The following MSH4 variants were observed in gnomAD, a reference collection of about 807,000 sequenced individuals.
MSH4 encodes the protein mutS protein homolog 4.
Under a neutral mutation model 113.7 loss-of-function variants are expected in MSH4, and 106 were observed. The ratio of observed to expected loss-of-function variants is 0.93; its 90% CI spans 0.80 to 1.10. MSH4 has a LOEUF of 1.10. MSH4 is among the 50% of genes least tolerant of loss of function. MSH4 has a pLI of 0.00. For missense variants in MSH4, 1,061 were observed against 1,093.7 expected (o/e 0.97, Z 0.42); for synonymous variants, 368 against 380.2 (o/e 0.97, Z 0.37).
At chr1:75,866,589 C>A (rs1651566330) in intron 8 of MSH4, among the ~76,000 whole-genome samples, 1 of 152,142 alleles carries the variant, frequency 6.6e-6, no homozygotes. Context: ...CCATTTGGGG[C>A]TAACAACATT....
intron 7 of MSH4, among the ~76,000 whole-genome samples, 191 bp downstream of exon 7, chr1:75,822,772 T>C (rs987424518): frequency 2.0e-5 from 3 of 151,954 alleles, no homozygotes; most frequent in African/African-American, 7.2e-5. Flanking sequence ...ATGTAATGTA[T>C]TTTGATTTCC....
At position 75,797,049 on chromosome 1, in the gene MSH4, G is replaced by GT; in HGVS notation, c.64_65insT (p.Glu22ValfsTer92). 6.2e-7 allele frequency: 1 copy of GT among 1,614,090 alleles called. No homozygotes were observed. Among genetic ancestry groups the GT allele is most frequent in the Non-Finnish European group, 8.5e-7 (1 of 1,179,982 alleles). ...CCCGGCGGTTTCCCCGTCGTCGGGA[G>GT]AAACCCGCTCACCTCAGGGTCCCCG... On this transcript the variant is annotated frameshift_variant, in exon 1 of 20. Coordinates refer to ENST00000263187, the MANE Select transcript of MSH4 (RefSeq NM_002440.4). LOFTEE classifies it high-confidence loss of function.
chr1:75,858,752 A>C (rs554924243), intron 8 of MSH4, among the ~76,000 whole-genome samples: 27 of 152,100 alleles, frequency 1.8e-4, no homozygotes, highest in African/African-American at 6.3e-4. Flanking sequence ...CTCTGCCAGG[A>C]TTTGGTATCA....
intron 9 of MSH4, among the ~76,000 whole-genome samples, chr1:75,873,299 T>C (rs1651752243): frequency 2.0e-5 from 3 of 152,198 alleles, no homozygotes; most frequent in Admixed American, 6.5e-5. Context: ...AAAATAATGT[T>C]TATGCCATAT....
intron 14 of MSH4, 131 bp from the exon 15 acceptor site, chr1:75,883,490 A>C: frequency 1.4e-6 from 1 of 693,946 alleles, no homozygotes; most frequent in Non-Finnish European, 2.3e-6. Flanking sequence ...GGGATAATAT[A>C]GTACCTTAAT....
intron 8 of MSH4, among the ~76,000 whole-genome samples, chr1:75,860,227 A>C (rs915634464): frequency 3.3e-5 from 5 of 152,034 alleles, no homozygotes; most frequent in Admixed American, 2.0e-4. Flanking sequence ...ACTTGCCAGT[A>C]TGTGTCTTTT....
chr1:75,820,182 A>T (rs919460608), intron 6 of MSH4, among the ~76,000 whole-genome samples: 2 of 152,216 alleles, frequency 1.3e-5, no homozygotes, highest in African/African-American at 4.8e-5. Context: ...TATGGATGGA[A>T]TAAATAGACT....
chr1:75,803,673 A>G, intron 1 of MSH4, 58 bp from the exon 2 acceptor site: 3 of 1,205,704 alleles, frequency 2.5e-6, no homozygotes, highest in Non-Finnish European at 3.4e-6. Flanking sequence ...TATAATGACT[A>G]ATACATCATT....
Position 75,876,139 on chromosome 1 carries a change from A to C in MSH4, c.1306-797A>C, listed in dbSNP as rs911237371. On this transcript the variant is annotated intron_variant, in intron 9 of 19. Transcript: ENST00000263187. ...ATTCCAAAATCTGAAAAAAATCCAG[A>C]ATCTGGAACTTCTGATCCCAAGCAT... 7.2e-5 allele frequency among the ~76,000 whole-genome samples: 11 copies of C among 152,214 alleles called. No individual in the cohort carries two copies. In the East Asian group the frequency reaches 2.1e-3, roughly 29 times the overall value.
chr1:75,810,718 T>G lies in MSH4; in HGVS notation c.610T>G (p.Leu204Val). The change falls in exon 4 of 20, where the codon TTA (leucine) becomes GTA (valine). Residue 204 changes from leucine to valine, a missense_variant. Physicochemically the swap from Leu to Val is conservative, Grantham distance 32. Coordinates refer to ENST00000263187, the MANE Select transcript of MSH4 (RefSeq NM_002440.4). ...TCAGGTGATCACTAAACTTAAAATT[T>G]TATCACCTTTGGAAATAATAATGTC... Reference protein sequence around the residue: ...YAKVITKLKILSPLEIIMSNT... With the variant: ...YAKVITKLKIVSPLEIIMSNT... 6.4e-7 allele frequency: 1 copy of G among 1,564,132 alleles called. No individual in the cohort carries two copies.
At chr1:75,866,292 C>T (rs1651561531) in intron 8 of MSH4, among the ~76,000 whole-genome samples, 1 of 151,962 alleles carries the variant, frequency 6.6e-6, no homozygotes, top group Non-Finnish European at 1.5e-5. Context: ...CTCTATGTAG[C>T]TGGACCACAG....
At chr1:75,811,541 G>A (rs1052104226) in intron 4 of MSH4, among the ~76,000 whole-genome samples, 1 of 151,968 alleles carries the variant, frequency 6.6e-6, no homozygotes, top group Admixed American at 6.6e-5. Flanking sequence ...TTTTCTATAG[G>A]GAATTTAATT....
At chr1:75,879,206 G>A in intron 12 of MSH4, 78 bp downstream of exon 12, 1 of 1,391,170 alleles carries the variant, frequency 7.2e-7, no homozygotes, top group Non-Finnish European at 1.0e-6. Flanking sequence ...GACTTCTTGA[G>A]TTTTGCAAGC....
chr1:75,878,977 G>A lies in MSH4; in HGVS notation c.1541-15G>A, dbSNP rs766327286. Reference sequence around the variant, plus strand: ...ATTTTGTTTTGTTTTTGTTTTTCTTGTTTCTGGTCACCAGGAATGATATCA... The same window carrying A: ...ATTTTGTTTTGTTTTTGTTTTTCTTATTTCTGGTCACCAGGAATGATATCA... On this transcript the variant is annotated splice_polypyrimidine_tract_variant and intron_variant, in intron 11 of 19. Transcript: ENST00000263187. The A allele has an allele frequency of 6.3e-7, 1 of 1,592,586 alleles. No individual in the cohort carries two copies. The highest frequency in any genetic ancestry group is 1.4e-5 in the African/African-American group (1 of 73,814).
At position 75,912,576 on chromosome 1, in the gene MSH4, TAGTTAACCCTTG is replaced by T. The variant is rs1652808865; in HGVS notation, c.2620-115_2620-104del. 1.6e-5 allele frequency: 8 copies of T among 502,032 alleles called. No individual in the cohort carries two copies. In the South Asian group the frequency reaches 6.3e-4, roughly 39 times the overall value. The allele number at this position is 502,032 out of a possible 1,614,324, so 31.1% of individuals were successfully genotyped here. A position where few individuals can be genotyped will look rare whatever the true frequency, so the allele number is the denominator to read the frequency against. On this transcript the variant is annotated intron_variant, in intron 19 of 19. Transcript: ENST00000263187. ...AGGAAACTGATTTGTTCAAAGGAAT[TAGTTAACCCTTG>T]AGTTCCATATGTCTATGGAAGGAGA... is the stretch of plus-strand genomic sequence containing the variant.
chr1:75,902,141 C>CATT (rs1652519147), intron 19 of MSH4, among the ~76,000 whole-genome samples: 1 of 152,026 alleles, frequency 6.6e-6, no homozygotes, highest in Non-Finnish European at 1.5e-5. Flanking sequence ...TTCTTAAAGG[C>CATT]CCCTTTTCAC....
intron 8 of MSH4, 26 bp downstream of exon 8, chr1:75,848,302 T>A: frequency 7.2e-7 from 1 of 1,379,862 alleles, no homozygotes; most frequent in Non-Finnish European, 1.0e-6. Flanking sequence ...CATTTTGTAT[T>A]ATATTATTAT....
At chr1:75,830,266 C>T (rs994459780) in intron 7 of MSH4, among the ~76,000 whole-genome samples, 3 of 152,012 alleles carry the variant, frequency 2.0e-5, no homozygotes, top group Non-Finnish European at 4.4e-5. Context: ...CCGAACAAAG[C>T]CTACAAGAAA....
chr1:75,907,716 A>ATATATATATG (rs1652698391), intron 19 of MSH4, among the ~76,000 whole-genome samples: 1 of 112,176 alleles, frequency 8.9e-6, no homozygotes, highest in Non-Finnish European at 1.9e-5. Context: ...ATATATATAT[A>ATATATATATG]TATGTATAAA....
Sources: allele counts gnomAD v4.1 joint callset (sites outside exome capture counted in the v4.1 genomes callset), GRCh38; gene constraint gnomAD v4.1.1; transcripts MANE v1.5; gene names NCBI Gene and HGNC (gene_info 2026-07-23, HGNC 2026-07-21).